DCC: variants seen among roughly 807,000 people sequenced by gnomAD.
DCC encodes the protein DCC netrin 1 receptor.
In DCC, 58 loss-of-function variants were observed where a neutral mutation model predicts 172.5. That is an observed-to-expected ratio of 0.34 (90% CI 0.27 to 0.42). The LOEUF is 0.42. Ranked by LOEUF, DCC falls within the 10% of genes least tolerant of loss-of-function variation. DCC has a pLI of 1.00. For synonymous variants in DCC, 709 were observed against 644.5 expected (o/e 1.10, Z -1.52); for missense variants, 1,740 against 1,791.0 (o/e 0.97, Z 0.51).
At chr18:53,257,706 C>A (rs1249331242) in intron 12 of DCC, among the ~76,000 whole-genome samples, 1 of 152,148 alleles carries the variant, frequency 6.6e-6, no homozygotes, top group Non-Finnish European at 1.5e-5. Flanking sequence ...GCTTTGGTAT[C>A]AGGATGATGC....
intron 1 of DCC, among the ~76,000 whole-genome samples, chr18:52,497,430 T>A (rs1568198824): frequency 6.6e-6 from 1 of 150,482 alleles, no homozygotes; most frequent in African/African-American, 2.4e-5. Context: ...CATATACACA[T>A]ACATATAAAG....
At chr18:53,138,399 C>T (rs34395492) in intron 7 of DCC, among the ~76,000 whole-genome samples, 3,431 of 152,188 alleles carry the variant, frequency 0.023, 70 homozygotes, top group Non-Finnish European at 0.038. Flanking sequence ...CTTATGGTTG[C>T]CTACTATTCA....
intron 25 of DCC, among the ~76,000 whole-genome samples, chr18:53,476,270 G>T (rs939705668): frequency 2.6e-5 from 4 of 152,132 alleles, no homozygotes; most frequent in African/African-American, 9.7e-5. Flanking sequence ...CATTGGAAAG[G>T]CATGATTAGT....
At chr18:53,166,311 C>A (rs1952858853) in intron 8 of DCC, among the ~76,000 whole-genome samples, 1 of 152,024 alleles carries the variant, frequency 6.6e-6, no homozygotes, top group Admixed American at 6.6e-5. Context: ...CTTGACATAC[C>A]TTTACGACCT....
rs148777523 is a variant in DCC, at chr18:52,882,876, T to C, written c.413-23168T>C. 5.2e-3 allele frequency among the ~76,000 whole-genome samples: 793 copies of C among 152,224 alleles called. 5 individuals carry two copies. The highest frequency in any genetic ancestry group is 0.018 in the African/African-American group (764 of 41,570). On this transcript the variant is annotated intron_variant, in intron 2 of 28. Transcript: ENST00000442544. The stretch of plus-strand genomic sequence containing the variant: ...GGGGTGTTGTCCAGCTGTTATCATA[T>C]TGGTGTCTATCTCTTCCTTTAGCGC...
At chr18:53,491,336 T>G (rs1405741697) in intron 26 of DCC, among the ~76,000 whole-genome samples, 1 of 152,194 alleles carries the variant, frequency 6.6e-6, no homozygotes, top group Non-Finnish European at 1.5e-5. Flanking sequence ...TGCATGTACA[T>G]TCTATTAAAC....
rs547007889 is a variant in DCC, at chr18:52,425,926, A to G, written c.91+85048A>G. 4.9e-4 allele frequency among the ~76,000 whole-genome samples: 75 copies of G among 152,244 alleles called. 1 individual carries two copies. Among genetic ancestry groups the G allele is most frequent in the African/African-American group, 1.6e-3 (68 of 41,546 alleles). On this transcript the variant is annotated intron_variant, in intron 1 of 28. Coordinates refer to ENST00000442544, the MANE Select transcript of DCC (RefSeq NM_005215.4). ...ACATACATTACAGTCAATAAATATA[A>G]TATTCTCTGTCATCTTTGTGGTTTT...
intron 25 of DCC, among the ~76,000 whole-genome samples, chr18:53,476,769 T>C (rs963967071): frequency 1.3e-5 from 2 of 152,186 alleles, no homozygotes; most frequent in African/African-American, 4.8e-5. Flanking sequence ...TAATGTGTTA[T>C]TTCTTGTTCT....
At chr18:52,843,224 C>T (rs756149910) in intron 2 of DCC, among the ~76,000 whole-genome samples, 10 of 152,088 alleles carry the variant, frequency 6.6e-5, no homozygotes, top group Non-Finnish European at 1.3e-4. Context: ...TGTGTTTATG[C>T]AAAGGATTAA....
At chr18:53,165,583 A>C (rs2054904982) in intron 8 of DCC, among the ~76,000 whole-genome samples, 1 of 152,106 alleles carries the variant, frequency 6.6e-6, no homozygotes. Context: ...CTTCTCTGTA[A>C]AATATAAAAT....
intron 2 of DCC, chr18:52,809,318 C>G (rs2038149216): frequency 6.4e-6 from 1 of 157,040 alleles, no homozygotes; most frequent in Non-Finnish European, 1.4e-5. Context: ...CTTAGAGCTC[C>G]CAAGATGGCG....
chr18:52,367,173 C>T (rs150784343), intron 1 of DCC, among the ~76,000 whole-genome samples: 20,103 of 152,248 alleles, frequency 0.13, 1,458 homozygotes, highest in South Asian at 0.22. Context: ...TGCCCGGGGC[C>T]AGCAGGGCTG....
chr18:53,011,833 C>G (rs554679450), intron 5 of DCC, among the ~76,000 whole-genome samples: 1 of 151,672 alleles, frequency 6.6e-6, no homozygotes, highest in South Asian at 2.1e-4. Context: ...AGTCCTTCAT[C>G]CGGTCACATA....
At chr18:52,793,589 TTG>T (rs2037816792) in intron 2 of DCC, among the ~76,000 whole-genome samples, 1 of 152,226 alleles carries the variant, frequency 6.6e-6, no homozygotes, top group African/African-American at 2.4e-5. Flanking sequence ...ATTCTGCATG[TTG>T]TGTCTTCACT....
chr18:52,940,707 TATG>T (rs1247705510), intron 5 of DCC, among the ~76,000 whole-genome samples: 1 of 152,216 alleles, frequency 6.6e-6, no homozygotes, highest in Non-Finnish European at 1.5e-5. Flanking sequence ...ACTATGCTGA[TATG>T]ATGATGTACT....
At chr18:52,380,139 A>T (rs1421184632) in intron 1 of DCC, among the ~76,000 whole-genome samples, 1 of 152,030 alleles carries the variant, frequency 6.6e-6, no homozygotes, top group Non-Finnish European at 1.5e-5. Context: ...TTTATAAGTC[A>T]CTAATCCATT....
chr18:52,899,147 T>G (rs2039774472), intron 2 of DCC, among the ~76,000 whole-genome samples: 1 of 151,986 alleles, frequency 6.6e-6, no homozygotes, highest in African/African-American at 2.4e-5. Context: ...TTCTCCTATT[T>G]TATTATTTAT....
At chr18:53,464,979 C>CAAAAAAAAAAA (rs71179510) in intron 24 of DCC, among the ~76,000 whole-genome samples, 2 of 54,828 alleles carry the variant, frequency 3.6e-5, no homozygotes, top group African/African-American at 1.2e-4. Context: ...AACTCAATCT[C>CAAAAAAAAAAA]AAAAAAAAAA....
At chr18:53,311,988 T>C (rs749412414) in intron 13 of DCC, among the ~76,000 whole-genome samples, 9 of 152,084 alleles carry the variant, frequency 5.9e-5, no homozygotes, top group Non-Finnish European at 4.4e-5. Flanking sequence ...TGGAAAAAGA[T>C]GTCTATTGGA....
Sources: gnomAD v4.1 joint callset for allele counts (sites outside exome capture counted in the v4.1 genomes callset) on GRCh38, gnomAD v4.1.1 for gene constraint, MANE v1.5 for transcripts, NCBI Gene and HGNC (gene_info 2026-07-23, HGNC 2026-07-21) for gene names.